RNF220: variants seen among roughly 807,000 people sequenced by gnomAD.
RNF220 encodes the protein ring finger protein 220, also known as E3 ubiquitin-protein ligase RNF220.
RNF220 carries 7 observed loss-of-function variants against 67.1 expected under a neutral mutation model. The observed-to-expected ratio is 0.10, with a 90% CI of 0.06 to 0.20. The LOEUF (loss-of-function observed/expected upper bound fraction) is 0.20, where lower values mean the gene tolerates loss of function less well. RNF220 is among the 10% of genes least tolerant of loss of function. The probability of loss-of-function intolerance (pLI) is 1.00; values close to 1 mark genes in which losing one functional copy is unlikely to be tolerated. For synonymous variants in RNF220, 270 were observed against 283.2 expected (o/e 0.95, Z 0.47); for missense variants, 565 against 740.3 (o/e 0.76, Z 2.75).
At chr1:44,532,411 T>A (rs1423375064) in intron 2 of RNF220, among the ~76,000 whole-genome samples, 2 of 152,226 alleles carry the variant, frequency 1.3e-5, no homozygotes, top group East Asian at 3.8e-4. Flanking sequence ...TTCTACTATT[T>A]ATTGAGTCCC....
chr1:44,431,626 A>G (rs896783838), intron 2 of RNF220, among the ~76,000 whole-genome samples: 4 of 152,068 alleles, frequency 2.6e-5, no homozygotes, highest in African/African-American at 9.7e-5. Flanking sequence ...TTGTGGCTAT[A>G]TCTATGAAAC....
chr1:44,562,181 G>A (rs898197468), intron 2 of RNF220, among the ~76,000 whole-genome samples: 1 of 151,992 alleles, frequency 6.6e-6, no homozygotes, highest in Non-Finnish European at 1.5e-5. Context: ...AGGAAGGAGG[G>A]GACCAGATGG....
intron 2 of RNF220, among the ~76,000 whole-genome samples, chr1:44,495,115 A>C (rs1657215209): frequency 2.6e-5 from 4 of 152,116 alleles, no homozygotes; most frequent in Admixed American, 2.6e-4. Flanking sequence ...CCGGAGGCTG[A>C]GGTGGGAGGA....
At chr1:44,576,228 A>G (rs898720397) in intron 2 of RNF220, among the ~76,000 whole-genome samples, 16 of 152,236 alleles carry the variant, frequency 1.1e-4, no homozygotes, top group African/African-American at 3.6e-4. Flanking sequence ...TCTGGGGGAT[A>G]GTGGTAGATA....
intron 8 of RNF220, among the ~76,000 whole-genome samples, chr1:44,638,112 A>G (rs1644380810): frequency 6.6e-6 from 1 of 152,204 alleles, no homozygotes; most frequent in African/African-American, 2.4e-5. Context: ...CCTGTCTGCA[A>G]AAGCTGGCCA....
At chr1:44,405,805 AG>A (rs911148651) in intron 1 of RNF220, among the ~76,000 whole-genome samples, 16 of 16,422 alleles carry the variant, frequency 9.7e-4, no homozygotes, top group African/African-American at 3.4e-3. Flanking sequence ...TTATTTGGGG[AG>A]GGGGGGAGGT....
intron 2 of RNF220, among the ~76,000 whole-genome samples, chr1:44,515,061 A>G (rs1330945433): frequency 3.3e-5 from 5 of 152,220 alleles, no homozygotes; most frequent in African/African-American, 1.2e-4. Context: ...GCTGGAAATA[A>G]GTTCTGAAAG....
intron 2 of RNF220, among the ~76,000 whole-genome samples, chr1:44,594,089 GAA>G (rs60537747): frequency 2.7e-3 from 367 of 136,774 alleles, no homozygotes; most frequent in Non-Finnish European, 4.9e-3. Flanking sequence ...CATCTCAAAA[GAA>G]AAAAAAAAAA....
intron 2 of RNF220, among the ~76,000 whole-genome samples, chr1:44,450,151 G>A (rs1405958231): frequency 6.6e-6 from 1 of 152,140 alleles, no homozygotes; most frequent in Non-Finnish European, 1.5e-5. Context: ...AGAGGTTGCA[G>A]TGAGCCGAGA....
At chr1:44,577,706 C>G (rs1664912022) in intron 2 of RNF220, among the ~76,000 whole-genome samples, 1 of 152,244 alleles carries the variant, frequency 6.6e-6, no homozygotes, top group South Asian at 2.1e-4. Flanking sequence ...TGGCTCACGC[C>G]TATAATCCCA....
intron 2 of RNF220, among the ~76,000 whole-genome samples, chr1:44,474,347 C>G (rs1655091409): frequency 6.6e-6 from 1 of 150,744 alleles, no homozygotes; most frequent in South Asian, 2.1e-4. Flanking sequence ...TGCATTCCAG[C>G]CTGGGTGACA....
intron 2 of RNF220, among the ~76,000 whole-genome samples, chr1:44,459,399 A>G (rs1653533975): frequency 6.6e-6 from 1 of 151,810 alleles, no homozygotes; most frequent in African/African-American, 2.4e-5. Context: ...TGTCTTGCCA[A>G]TGTCTTCTAC....
At chr1:44,623,786 G>C (rs983117880) in intron 4 of RNF220, among the ~76,000 whole-genome samples, 5 of 152,164 alleles carry the variant, frequency 3.3e-5, no homozygotes, top group Non-Finnish European at 5.9e-5. Context: ...AACACTCAGT[G>C]AGTTAAGAGG....
intron 1 of RNF220, 48 bp downstream of exon 1, chr1:44,405,578 G>T (rs1412403659): frequency 3.0e-6 from 1 of 334,390 alleles, no homozygotes; most frequent in Non-Finnish European, 5.4e-6. Flanking sequence ...ACCCAAGAGG[G>T]GTGGGTGCGA....
At chr1:44,418,642 CA>C (rs11353047) in intron 2 of RNF220, among the ~76,000 whole-genome samples, 126,331 of 148,810 alleles carry the variant, frequency 0.85, 54,522 homozygotes, top group Middle Eastern at 0.95. Context: ...TGTTTGAAAA[CA>C]AAAAAAAAAA....
At chr1:44,598,179 AGG>A (rs914736626) in intron 2 of RNF220, among the ~76,000 whole-genome samples, 45 of 82,058 alleles carry the variant, frequency 5.5e-4, no homozygotes, top group African/African-American at 2.3e-3. Flanking sequence ...AGGGGGAAAC[AGG>A]GAGGGGGCTA....
At chr1:44,524,255 C>T (rs1307082315) in intron 2 of RNF220, among the ~76,000 whole-genome samples, 1 of 152,124 alleles carries the variant, frequency 6.6e-6, no homozygotes, top group Admixed American at 6.5e-5. Flanking sequence ...ACTGCCGCCG[C>T]CACCGCCTCT....
chr1:44,623,971 A>G (rs757045748), intron 4 of RNF220, among the ~76,000 whole-genome samples: 1 of 152,238 alleles, frequency 6.6e-6, no homozygotes, highest in Non-Finnish European at 1.5e-5. Context: ...AGTGACAAGT[A>G]TCACTTCCAT....
intron 3 of RNF220, among the ~76,000 whole-genome samples, chr1:44,620,009 T>C (rs1643727601): frequency 2.6e-5 from 4 of 152,210 alleles, no homozygotes; most frequent in Admixed American, 2.6e-4. Flanking sequence ...TGACCCTGAA[T>C]GTCCCTGTTT....
Sources: gnomAD v4.1 joint callset for allele counts (sites outside exome capture counted in the v4.1 genomes callset) on GRCh38, gnomAD v4.1.1 for gene constraint, MANE v1.5 for transcripts, NCBI Gene and HGNC (gene_info 2026-07-23, HGNC 2026-07-21) for gene names.